The following ZNF385D variants were observed in gnomAD, a reference collection of about 807,000 sequenced individuals.
ZNF385D encodes the protein zinc finger protein 659.
ZNF385D carries 15 observed loss-of-function variants against 35.8 expected under a neutral mutation model. The ratio of observed to expected loss-of-function variants is 0.42; its 90% CI spans 0.28 to 0.64. The LOEUF is 0.64. ZNF385D is among the 30% of genes least tolerant of loss of function. The pLI is 0.23. For missense variants in ZNF385D, 474 were observed against 494.6 expected (o/e 0.96, Z 0.39); for synonymous variants, 212 against 186.8 (o/e 1.13, Z -1.10).
intron 3 of ZNF385D, among the ~76,000 whole-genome samples, chr3:21,984,947 T>C (rs1360908275): frequency 6.6e-6 from 1 of 151,136 alleles, no homozygotes; most frequent in Non-Finnish European, 1.5e-5. Flanking sequence ...GGGAGTTCAC[T>C]CATGATTTGG....
At chr3:21,565,125 A>G (rs990111018) in intron 2 of ZNF385D, among the ~76,000 whole-genome samples, 1 of 152,102 alleles carries the variant, frequency 6.6e-6, no homozygotes, top group Non-Finnish European at 1.5e-5. Context: ...TCCAACATGA[A>G]CCTTATGCTA....
chr3:22,170,100 T>G (rs536143531), intron 2 of ZNF385D, among the ~76,000 whole-genome samples: 1 of 152,208 alleles, frequency 6.6e-6, no homozygotes, highest in African/African-American at 2.4e-5. Flanking sequence ...ATGGTCCAGA[T>G]AGGAGTTCTC....
intron 3 of ZNF385D, among the ~76,000 whole-genome samples, chr3:22,024,158 T>G (rs1163305531): frequency 2.6e-5 from 4 of 152,114 alleles, no homozygotes; most frequent in Non-Finnish European, 5.9e-5. Context: ...GTCTATATCT[T>G]TCTCCCATTC....
chr3:21,515,101 T>G (rs1178622862), intron 3 of ZNF385D, among the ~76,000 whole-genome samples: 5 of 152,184 alleles, frequency 3.3e-5, no homozygotes, highest in African/African-American at 1.2e-4. Context: ...GGTTTTTAGT[T>G]GAAATGCAAC....
At chr3:21,697,852 C>G (rs980407191) in intron 1 of ZNF385D, among the ~76,000 whole-genome samples, 2 of 152,096 alleles carry the variant, frequency 1.3e-5, no homozygotes, top group Admixed American at 1.3e-4. Flanking sequence ...AAAAAATGCT[C>G]AATACCATTA....
chr3:21,473,339 A>G (rs1466010658), intron 4 of ZNF385D, among the ~76,000 whole-genome samples: 1 of 152,102 alleles, frequency 6.6e-6, no homozygotes, highest in Admixed American at 6.6e-5. Flanking sequence ...CACATAGGTC[A>G]CATAGGTCCT....
At chr3:21,708,440 T>A (rs2067985515) in intron 1 of ZNF385D, among the ~76,000 whole-genome samples, 2 of 152,208 alleles carry the variant, frequency 1.3e-5, no homozygotes, top group African/African-American at 4.8e-5. Context: ...TACTCTTGCC[T>A]AATGCCACTG....
intron 2 of ZNF385D, among the ~76,000 whole-genome samples, chr3:22,250,195 T>C (rs1313799255): frequency 1.3e-5 from 2 of 152,136 alleles, no homozygotes; most frequent in African/African-American, 2.4e-5. Flanking sequence ...TCATATAAGA[T>C]ACAATTTAAA....
At chr3:21,572,118 A>G (rs2063352955) in intron 2 of ZNF385D, among the ~76,000 whole-genome samples, 1 of 152,112 alleles carries the variant, frequency 6.6e-6, no homozygotes, top group African/African-American at 2.4e-5. Context: ...TGGTGACTGG[A>G]CCCCATCCTG....
intron 1 of ZNF385D, among the ~76,000 whole-genome samples, chr3:21,677,194 T>C (rs752368732): frequency 1.9e-4 from 29 of 152,114 alleles, no homozygotes; most frequent in South Asian, 4.1e-4. Flanking sequence ...GTGGAGATAA[T>C]GAGCATTAAA....
intron 2 of ZNF385D, among the ~76,000 whole-genome samples, chr3:22,367,859 A>T (rs1276485467): frequency 6.6e-6 from 1 of 152,206 alleles, no homozygotes; most frequent in Non-Finnish European, 1.5e-5. Flanking sequence ...TCATGTTATG[A>T]GAGACTCTCA....
chr3:22,199,477 AT>A (rs1477015783), intron 2 of ZNF385D, among the ~76,000 whole-genome samples: 1 of 152,094 alleles, frequency 6.6e-6, no homozygotes, highest in Non-Finnish European at 1.5e-5. Context: ...ATTAGGTTCA[AT>A]GTTTCACTTG....
chr3:21,939,234 C>T (rs1701402359), intron 3 of ZNF385D, among the ~76,000 whole-genome samples: 1 of 152,142 alleles, frequency 6.6e-6, no homozygotes, highest in Non-Finnish European at 1.5e-5. Flanking sequence ...GGGCTTCTAC[C>T]CCGTGCCTAC....
At chr3:22,282,850 G>T (rs1355333263) in intron 2 of ZNF385D, among the ~76,000 whole-genome samples, 2 of 151,950 alleles carry the variant, frequency 1.3e-5, no homozygotes, top group African/African-American at 2.4e-5. Context: ...TACTAATGTG[G>T]AATGTAAATG....
chr3:21,538,103 G>A (rs1457076110), intron 3 of ZNF385D, among the ~76,000 whole-genome samples: 1 of 152,098 alleles, frequency 6.6e-6, no homozygotes, highest in Admixed American at 6.5e-5. Context: ...AGTGGAACCA[G>A]AGGGATGGAG....
At chr3:21,596,323 A>G (rs963446887) in intron 2 of ZNF385D, among the ~76,000 whole-genome samples, 3 of 152,144 alleles carry the variant, frequency 2.0e-5, no homozygotes, top group African/African-American at 7.2e-5. Context: ...TACAAACCAC[A>G]CTATTCAGTT....
intron 2 of ZNF385D, among the ~76,000 whole-genome samples, chr3:22,203,515 A>G (rs988378464): frequency 6.6e-6 from 1 of 152,140 alleles, no homozygotes; most frequent in Non-Finnish European, 1.5e-5. Flanking sequence ...CTTAGGTACC[A>G]GCTCAGCCAC....
At chr3:22,216,919 G>C (rs923238045) in intron 2 of ZNF385D, among the ~76,000 whole-genome samples, 1 of 152,114 alleles carries the variant, frequency 6.6e-6, no homozygotes, top group African/African-American at 2.4e-5. Flanking sequence ...TGATGAAGAT[G>C]AGTGAGCCAC....
chr3:22,192,920 T>C (rs565830142), intron 2 of ZNF385D, among the ~76,000 whole-genome samples: 58 of 152,248 alleles, frequency 3.8e-4, no homozygotes, highest in African/African-American at 6.5e-4. Flanking sequence ...GATCAAACCA[T>C]ACTGAATGTT....
Sources: gnomAD v4.1 joint callset for allele counts (sites outside exome capture counted in the v4.1 genomes callset) on GRCh38, gnomAD v4.1.1 for gene constraint, MANE v1.5 for transcripts, NCBI Gene and HGNC (gene_info 2026-07-23, HGNC 2026-07-21) for gene names.